The following MYT1L variants were observed in gnomAD, a reference collection of about 807,000 sequenced individuals.
MYT1L encodes the protein myelin transcription factor 1 like.
A neutral mutation model predicts 126.7 loss-of-function variants in MYT1L; 12 were observed. The ratio of observed to expected loss-of-function variants is 0.09; its 90% CI spans 0.06 to 0.15. MYT1L has a LOEUF of 0.15. Ranked by LOEUF, MYT1L falls within the 10% of genes least tolerant of loss-of-function variation. The pLI is 1.00. For synonymous variants in MYT1L, 541 were observed against 604.2 expected, an observed-to-expected ratio of 0.90 and a Z score of 1.53; for missense variants, 979 against 1,585.2, an observed-to-expected ratio of 0.62 and a Z score of 6.49.
chr2:2,242,779 G>C (rs139432228), intron 2 of MYT1L, among the ~76,000 whole-genome samples: 9 of 152,320 alleles, frequency 5.9e-5, no homozygotes, highest in African/African-American at 1.9e-4. Context: ...ATCACAATAT[G>C]AAGTCGAATA....
At chr2:2,073,216 A>G (rs1158381532) in intron 3 of MYT1L, among the ~76,000 whole-genome samples, 1 of 152,034 alleles carries the variant, frequency 6.6e-6, no homozygotes, top group Non-Finnish European at 1.5e-5. Context: ...TTACAGATGA[A>G]TCTTTCTTCC....
chr2:2,067,294 A>G (rs2074000691), intron 3 of MYT1L, among the ~76,000 whole-genome samples: 2 of 152,214 alleles, frequency 1.3e-5, no homozygotes, highest in African/African-American at 4.8e-5. Context: ...GCATGAGGAG[A>G]CTTCGGAATA....
At position 1,914,411 on chromosome 2, in the gene MYT1L, C is replaced by T. The variant is rs80039710; in HGVS notation, c.1619-2301G>A. ...GCTCCTGTTTCTGTGCGTCATCTTA[C>T]CATACATTCATGGCCAAACTTCCCA... On this transcript the variant is annotated intron_variant, in intron 11 of 24. Coordinates refer to ENST00000647738, the MANE Select transcript of MYT1L (RefSeq NM_001303052.2). Among the ~76,000 whole-genome samples, 59 of 152,234 alleles carry T rather than the reference C, an allele frequency of 3.9e-4. 1 individual carries two copies. The East Asian group carries it at 0.011, about 28-fold the overall frequency.
At chr2:1,875,609 G>A (rs929116484) in intron 18 of MYT1L, among the ~76,000 whole-genome samples, 4 of 152,216 alleles carry the variant, frequency 2.6e-5, no homozygotes, top group African/African-American at 4.8e-5. Flanking sequence ...CCTCACTGCC[G>A]TTCTGTCTCT....
chr2:1,996,619 T>C (rs35828367), intron 5 of MYT1L, among the ~76,000 whole-genome samples: 106 of 68,656 alleles, frequency 1.5e-3, no homozygotes, highest in Admixed American at 2.9e-3. Context: ...GTGTGGGCTG[T>C]ACAGAACCGA....
intron 18 of MYT1L, among the ~76,000 whole-genome samples, chr2:1,878,012 T>C (rs1294344729): frequency 2.0e-5 from 3 of 152,264 alleles, no homozygotes; most frequent in Admixed American, 1.3e-4. Context: ...CATGTATGTG[T>C]TAATTACGTC....
At chr2:2,024,841 C>T (rs1037823490) in intron 4 of MYT1L, among the ~76,000 whole-genome samples, 1 of 152,232 alleles carries the variant, frequency 6.6e-6, no homozygotes, top group Non-Finnish European at 1.5e-5. Flanking sequence ...TTTGAGTCTT[C>T]CCTCTGTCCT....
At chr2:1,988,188 C>T (rs2149543349) in intron 5 of MYT1L, among the ~76,000 whole-genome samples, 1 of 152,276 alleles carries the variant, frequency 6.6e-6, no homozygotes, top group South Asian at 2.1e-4. Flanking sequence ...GCTGCACCTA[C>T]AGGGTGGAAA....
rs550980274 is a variant in MYT1L at position 1,912,511 on chromosome 2, G to C, written c.1619-401C>G. Among the ~76,000 whole-genome samples the C allele has an allele frequency of 2.0e-5, 3 of 152,206 alleles. No individual in the cohort carries two copies. Among genetic ancestry groups the C allele is most frequent in the Non-Finnish European group, 4.4e-5 (3 of 68,038 alleles). On this transcript the variant is annotated intron_variant, in intron 11 of 24. Coordinates refer to ENST00000647738, the MANE Select transcript of MYT1L (RefSeq NM_001303052.2). This position sits in a 1 kb window ranked among gnomAD's most constrained non-coding sequence, Gnocchi z 4.3. ...CAGATATTACCCATGCACAAGCATG[G>C]AGTATTGATTAGCCATAGAACAACA...
chr2:1,807,213 A>G (rs1301265157), intron 22 of MYT1L, among the ~76,000 whole-genome samples: 1 of 152,218 alleles, frequency 6.6e-6, no homozygotes, highest in Non-Finnish European at 1.5e-5. Flanking sequence ...CTGGTGAACA[A>G]TGGGCCACAT....
chr2:2,191,476 C>T (rs1297079423), intron 2 of MYT1L, among the ~76,000 whole-genome samples: 2 of 152,150 alleles, frequency 1.3e-5, no homozygotes, highest in East Asian at 3.9e-4. Flanking sequence ...GGTGCCAACC[C>T]GAAGCCGCCC....
intron 3 of MYT1L, among the ~76,000 whole-genome samples, chr2:2,135,529 T>A (rs1226417487): frequency 6.6e-6 from 1 of 152,232 alleles, no homozygotes; most frequent in Non-Finnish European, 1.5e-5. Flanking sequence ...GGGCAAGAAA[T>A]TTCCTGTCTC....
intron 2 of MYT1L, among the ~76,000 whole-genome samples, chr2:2,222,741 T>A (rs10204613): frequency 6.6e-6 from 1 of 151,890 alleles, no homozygotes; most frequent in East Asian, 1.9e-4. Flanking sequence ...GGAGAAGGAA[T>A]CCTAAACTGT....
chr2:2,298,264 A>G (rs1370344935), intron 1 of MYT1L, among the ~76,000 whole-genome samples: 1 of 152,218 alleles, frequency 6.6e-6, no homozygotes, highest in Non-Finnish European at 1.5e-5. Flanking sequence ...TTTGGATCTG[A>G]CACTCAGGAT....
At chr2:1,814,450 G>T (rs983921091) in intron 21 of MYT1L, among the ~76,000 whole-genome samples, 2 of 152,152 alleles carry the variant, frequency 1.3e-5, no homozygotes, top group African/African-American at 4.8e-5. Flanking sequence ...TGGTCTGAGG[G>T]TGGTTCCTCG....
intron 9 of MYT1L, among the ~76,000 whole-genome samples, chr2:1,936,803 C>T (rs1320880963): frequency 6.6e-6 from 1 of 152,160 alleles, no homozygotes; most frequent in Non-Finnish European, 1.5e-5. Flanking sequence ...GGCCACACAG[C>T]AGACCCCTCA....
At chr2:2,064,654 C>A (rs988398585) in intron 3 of MYT1L, among the ~76,000 whole-genome samples, 4 of 152,158 alleles carry the variant, frequency 2.6e-5, no homozygotes, top group Admixed American at 6.5e-5. Context: ...AAGTTATTGA[C>A]AATCTTCAAC....
chr2:2,195,712 A>G (rs2092769000), intron 2 of MYT1L, among the ~76,000 whole-genome samples: 1 of 152,200 alleles, frequency 6.6e-6, no homozygotes, highest in African/African-American at 2.4e-5. Flanking sequence ...ACTTATCTTA[A>G]AAACCAAGTG....
At chr2:2,271,986 G>A (rs191601984) in intron 2 of MYT1L, among the ~76,000 whole-genome samples, 159 of 152,266 alleles carry the variant, frequency 1.0e-3, no homozygotes, top group East Asian at 1.9e-3. Context: ...TCTGCCTGTC[G>A]CTGTTAGACA....
Sources: gnomAD v4.1 joint callset for allele counts (sites outside exome capture counted in the v4.1 genomes callset) on GRCh38, gnomAD v4.1.1 for gene constraint, Gnocchi (gnomAD v3.1) non-coding constraint, MANE v1.5 for transcripts, NCBI Gene and HGNC (gene_info 2026-07-23, HGNC 2026-07-21) for gene names.